WIPI2: variants seen among roughly 807,000 people sequenced by gnomAD.
WIPI2 encodes WD repeat domain, phosphoinositide interacting 2, also known as WD repeat domain phosphoinositide-interacting protein 2.
WIPI2 carries 28 observed loss-of-function variants against 52.3 expected under a neutral mutation model. The ratio of observed to expected loss-of-function variants is 0.54; its 90% CI spans 0.40 to 0.73. The LOEUF (loss-of-function observed/expected upper bound fraction) is 0.73. Ranked by LOEUF, WIPI2 falls within the 30% of genes least tolerant of loss-of-function variation. The pLI is 0.00. For synonymous variants in WIPI2, 268 were observed against 245.0 expected (o/e 1.09, Z -0.88); for missense variants, 506 against 602.9 (o/e 0.84, Z 1.68).
chr7:5,193,955 G>A (rs1328442614), intron 2 of WIPI2, among the ~76,000 whole-genome samples: 4 of 152,170 alleles, frequency 2.6e-5, no homozygotes, highest in African/African-American at 9.7e-5. Context: ...GTTTGAGGAG[G>A]GCAGGGGGTG....
chr7:5,203,118 G>A (rs926731095), intron 3 of WIPI2, among the ~76,000 whole-genome samples: 1 of 152,144 alleles, frequency 6.6e-6, no homozygotes, highest in African/African-American at 2.4e-5. Context: ...CAACCTTCCT[G>A]CTTGGCCAAG....
chr7:5,225,518 C>G (rs1380326119), intron 8 of WIPI2, among the ~76,000 whole-genome samples: 2 of 152,188 alleles, frequency 1.3e-5, no homozygotes, highest in Non-Finnish European at 2.9e-5. Context: ...ACTTAAATTA[C>G]TGAGTTTTCT....
chr7:5,214,315 G>A (rs773631205), intron 3 of WIPI2: 2 of 1,551,788 alleles, frequency 1.3e-6, no homozygotes, highest in South Asian at 2.3e-5. Flanking sequence ...GAATGCTCGT[G>A]AGGGGCCATC....
chr7:5,216,554 C>T lies in WIPI2; in HGVS notation c.382-9C>T, dbSNP rs191643610. Reference sequence around the variant, plus strand: ...CTTCACGTTTGGTTTCGTTTTGTCTCTCGCCTAGAGGCTGATAGTATGCCT... The same window carrying T: ...CTTCACGTTTGGTTTCGTTTTGTCTTTCGCCTAGAGGCTGATAGTATGCCT... On this transcript the variant is annotated splice_polypyrimidine_tract_variant and intron_variant, in intron 4 of 12. Coordinates refer to ENST00000288828, the MANE Select transcript of WIPI2 (RefSeq NM_015610.4). The T allele has an allele frequency of 3.5e-3, 5,692 of 1,613,908 alleles. 26 individuals are homozygous for T. Among genetic ancestry groups the T allele is most frequent in the Non-Finnish European group, 3.4e-3 (4,044 of 1,179,838 alleles).
intron 2 of WIPI2, among the ~76,000 whole-genome samples, chr7:5,196,223 C>T (rs1781738449): frequency 6.6e-6 from 1 of 151,876 alleles, no homozygotes; most frequent in Admixed American, 6.6e-5. Context: ...CCTCTAATCC[C>T]AGCTACCTGG....
chr7:5,221,839 G>A lies in WIPI2; in HGVS notation c.670-763G>A, dbSNP rs528323671. Among the ~76,000 whole-genome samples, 5 of 152,308 alleles carry A rather than the reference G, an allele frequency of 3.3e-5. 1 individual carries two copies. The highest frequency in any genetic ancestry group is 1.2e-4 in the African/African-American group (5 of 41,556). On this transcript the variant is annotated intron_variant, in intron 7 of 12. Transcript: ENST00000288828. ...GGTAGTTGAGATTTCCAGCTAATCG[G>A]CTCTCTGGATCCGTAACTGAATTTA...
Position 5,227,989 on chromosome 7 carries a change from CTTGTGCTCATCTTGCTGG to C in WIPI2, c.1014-114_1014-97del. The C allele has an allele frequency of 1.1e-6, 1 of 947,600 alleles. No individual in the cohort carries two copies. The highest frequency in any genetic ancestry group is 1.4e-5 in the South Asian group (1 of 72,268). 58.7% of individuals were successfully genotyped at this position (947,600 alleles called of 1,614,324 possible). On this transcript the variant is annotated intron_variant, in intron 10 of 12. Coordinates refer to ENST00000288828, the MANE Select transcript of WIPI2 (RefSeq NM_015610.4). This position sits in a 1 kb window ranked among gnomAD's most constrained non-coding sequence, Gnocchi z 8.1. ...GGGGCGCCAGACACCTGCAGCTGCC[CTTGTGCTCATCTTGCTGG>C]GGTCTCTTTCCTCGCCTGCCAAAAG...
chr7:5,200,423 C>A (rs1195328780), intron 3 of WIPI2, among the ~76,000 whole-genome samples: 3 of 152,200 alleles, frequency 2.0e-5, no homozygotes, highest in Non-Finnish European at 4.4e-5. Context: ...TTACCCTGTT[C>A]TTCCCAGTGT....
Position 5,227,210 on chromosome 7 carries a change from G to A in WIPI2, c.879G>A (p.Gly293=). ...KPPEEPTTWT[G]YFGKVLMAST... ...CAGAGGAGCCCACCACCTGGACCGG[G>A]TACTTCGGGAAAGTGCTCATGGCCT... Residue 293 remains glycine (G), a synonymous_variant, in exon 10 of 13, where the codon GGG becomes GGA. Coordinates refer to ENST00000288828, the MANE Select transcript of WIPI2 (RefSeq NM_015610.4). The surrounding 1 kb of genome is among the most constrained non-coding windows in gnomAD (Gnocchi z 8.1). The A allele has an allele frequency of 2.5e-6, 4 of 1,613,996 alleles. No homozygotes were observed. The highest frequency in any genetic ancestry group is 3.4e-6 in the Non-Finnish European group (4 of 1,180,022).
At chr7:5,224,159 C>T (rs1783297209) in intron 8 of WIPI2, among the ~76,000 whole-genome samples, 1 of 152,244 alleles carries the variant, frequency 6.6e-6, no homozygotes, top group Admixed American at 6.5e-5. Context: ...CCTGTCCTGG[C>T]TCCAGCAGTA....
chr7:5,214,503 G>T (rs1262923665), intron 3 of WIPI2, 32 bp from the exon 4 acceptor site: 1 of 1,614,072 alleles, frequency 6.2e-7, no homozygotes, highest in Non-Finnish European at 8.5e-7. Context: ...ATGTGGAGAT[G>T]TTCACGCATG....
At chr7:5,222,466 A>ACCCCAGACTCCTTGGTGGC in intron 7 of WIPI2, 136 bp from the exon 8 acceptor site, 1 of 845,620 alleles carries the variant, frequency 1.2e-6, no homozygotes, top group East Asian at 2.5e-5. Flanking sequence ...GCCCTGGGGG[A>ACCCCAGACTCCTTGGTGGC]CCCCAGACTC....
intron 3 of WIPI2, among the ~76,000 whole-genome samples, chr7:5,205,080 A>G (rs1782228109): frequency 1.3e-5 from 2 of 152,168 alleles, no homozygotes; most frequent in South Asian, 4.1e-4. Context: ...GGTTCAAGCA[A>G]TTCTCCTGCC....
chr7:5,210,331 C>T (rs1782493292), intron 3 of WIPI2, among the ~76,000 whole-genome samples: 1 of 152,268 alleles, frequency 6.6e-6, no homozygotes, highest in South Asian at 2.1e-4. Flanking sequence ...ATAAGCTCCT[C>T]GTTCCCAGAC....
chr7:5,194,329 A>G (rs1245041229), intron 2 of WIPI2, among the ~76,000 whole-genome samples: 1 of 152,218 alleles, frequency 6.6e-6, no homozygotes, highest in Non-Finnish European at 1.5e-5. Context: ...GTCGGGCTCT[A>G]TCCGCCTAAG....
intron 7 of WIPI2, chr7:5,218,285 C>T (rs1434817182): frequency 2.7e-6 from 1 of 367,440 alleles, no homozygotes; most frequent in Non-Finnish European, 5.1e-6. Flanking sequence ...TGTAACCACA[C>T]CGCTCACCCA....
Position 5,230,237 on chromosome 7 carries a change from A to G in WIPI2, c.1252+499A>G, listed in dbSNP as rs1177454774. Among the ~76,000 whole-genome samples, 1 of 152,152 alleles carries G rather than the reference A, an allele frequency of 6.6e-6. No individual in the cohort carries two copies. The highest frequency in any genetic ancestry group is 1.5e-5 in the Non-Finnish European group (1 of 68,008). Reference sequence around the variant, plus strand: ...CTCCCACCTTTTTCGTCCTTCAGCAAATCTGCATCGAGTACTGCCTTCATG... The same window carrying G: ...CTCCCACCTTTTTCGTCCTTCAGCAGATCTGCATCGAGTACTGCCTTCATG... On this transcript the variant is annotated intron_variant, in intron 12 of 12. Coordinates refer to ENST00000288828, the MANE Select transcript of WIPI2 (RefSeq NM_015610.4). The surrounding 1 kb of genome is among the most constrained non-coding windows in gnomAD (Gnocchi z 4.8).
In WIPI2 at chr7:5,230,840, A is replaced by G. The variant is rs1783692768; in HGVS notation, c.1258A>G (p.Thr420Ala). ...VPSSPTRLAY[T>A]DDLGAVGGAC... is the part of the protein sequence containing the mutation. ...ACTTCGTCGTCTCTTTGCAGCCTACACAGACGACCTGGGTGCTGTGGGTGG... is the reference window on the plus strand; with the variant it reads ...ACTTCGTCGTCTCTTTGCAGCCTACGCAGACGACCTGGGTGCTGTGGGTGG... The change falls in exon 13 of 13, where the codon ACA becomes GCA. Residue 420 changes from threonine (T) to alanine (A), a missense_variant. Transcript: ENST00000288828. This position sits in a 1 kb window ranked among gnomAD's most constrained non-coding sequence, Gnocchi z 4.8. The G allele has an allele frequency of 5.0e-6, 8 of 1,613,276 alleles. No homozygotes were observed. The highest frequency in any genetic ancestry group is 1.7e-5 in the Admixed American group (1 of 59,898).
At chr7:5,225,112 T>G (rs1197687694) in intron 8 of WIPI2, among the ~76,000 whole-genome samples, 1 of 152,132 alleles carries the variant, frequency 6.6e-6, no homozygotes, top group Non-Finnish European at 1.5e-5. Context: ...TGGAGCCACT[T>G]TCCCTGTTGA....
Sources: allele counts gnomAD v4.1 joint callset (sites outside exome capture counted in the v4.1 genomes callset), GRCh38; gene constraint gnomAD v4.1.1; non-coding constraint Gnocchi (gnomAD v3.1); transcripts MANE v1.5; gene names NCBI Gene and HGNC (gene_info 2026-07-23, HGNC 2026-07-21).